The following DHX29 variants were observed in gnomAD, a reference collection of about 807,000 sequenced individuals.
The protein encoded by DHX29 is DExH-box helicase 29, also known as ATP-dependent RNA helicase DHX29.
A neutral mutation model predicts 167.9 loss-of-function variants in DHX29; 79 were observed. That is an observed-to-expected ratio of 0.47 (90% confidence interval 0.39 to 0.57). The LOEUF (loss-of-function observed/expected upper bound fraction) is 0.57, where lower values mean the gene tolerates loss of function less well. Ranked by LOEUF, DHX29 falls within the 20% of genes least tolerant of loss-of-function variation. The probability of loss-of-function intolerance (pLI) is 0.00; values close to 1 mark genes in which losing one functional copy is unlikely to be tolerated. For synonymous variants in DHX29, 530 were observed against 546.0 expected, an observed-to-expected ratio of 0.97 and a Z score of 0.41; for missense variants, 1,347 against 1,593.4, an observed-to-expected ratio of 0.85 and a Z score of 2.63.
At position 55,289,306 on chromosome 5, in the gene DHX29, A is replaced by C. The variant is rs774830119; in HGVS notation, c.1030T>G (p.Phe344Val). 20 of 1,579,624 alleles carry C rather than the reference A, an allele frequency of 1.3e-5. 1 individual carries two copies. The South Asian group carries it at 2.2e-4, about 17-fold the overall frequency. ...TCAGTAGCAGCTGCAGATTTTTCAA[A>C]TAAATTAAAATTCAATGCACTTTCT... is the stretch of plus-strand genomic sequence containing the variant. ...EGESALNFNL[F>V]EKSAAATEEE... is the part of the protein sequence containing the mutation. Residue 344 changes from phenylalanine (F) to valine (V), a missense_variant, in exon 8 of 27, where the codon TTT becomes GTT. By Grantham distance (50) the Phe-to-Val change is conservative (BLOSUM62 -1). Around this residue, in one of 3 missense-constraint regions of DHX29, gnomAD observed 405 missense variants for 416.8 expected, o/e 0.97. Transcript: ENST00000251636.
chr5:55,261,605 T>TAA (rs910429792), intron 24 of DHX29, 106 bp from the exon 25 acceptor site: 2 of 778,068 alleles, frequency 2.6e-6, no homozygotes, highest in African/African-American at 3.5e-5. Context: ...TTCTACATTT[T>TAA]AAGCTCAGAG....
At chr5:55,257,737 C>A (rs112395161) in intron 26 of DHX29, among the ~76,000 whole-genome samples, 2,976 of 152,274 alleles carry the variant, frequency 0.02, 55 homozygotes, top group Middle Eastern at 0.041. Flanking sequence ...TCCTTCCTCC[C>A]AAGTCAAACG....
intron 12 of DHX29, among the ~76,000 whole-genome samples, chr5:55,279,131 G>A (rs1268520734): frequency 2.0e-5 from 3 of 152,188 alleles, no homozygotes; most frequent in South Asian, 2.1e-4. Context: ...AGAAATAATC[G>A]TGGCCTCTCC....
At chr5:55,284,273 T>A (rs1747601367) in intron 10 of DHX29, among the ~76,000 whole-genome samples, 1 of 152,244 alleles carries the variant, frequency 6.6e-6, no homozygotes, top group African/African-American at 2.4e-5. Context: ...ATTCCTGCAG[T>A]GGCACTATAT....
At chr5:55,262,966 AAATT>A in intron 23 of DHX29, 34 bp from the exon 24 acceptor site, 2 of 1,484,416 alleles carry the variant, frequency 1.3e-6, no homozygotes, top group Non-Finnish European at 1.9e-6. Flanking sequence ...ACAAATAATC[AAATT>A]GATTAGAGGA....
chr5:55,292,433 T>C (rs13167364), intron 6 of DHX29, among the ~76,000 whole-genome samples: 9,107 of 152,170 alleles, frequency 0.06, 490 homozygotes, highest in African/African-American at 0.12. Flanking sequence ...ACCTTTATTA[T>C]CTCACACCTG....
intron 21 of DHX29, among the ~76,000 whole-genome samples, chr5:55,269,028 T>C (rs1199532421): frequency 6.6e-6 from 1 of 151,692 alleles, no homozygotes; most frequent in Non-Finnish European, 1.5e-5. Context: ...AAGTTAAATA[T>C]TATATTAAAA....
Position 55,297,359 on chromosome 5 carries a change from C to T in DHX29, c.301G>A (p.Val101Met), listed in dbSNP as rs775996051. 6.3e-7 allele frequency: 1 copy of T among 1,580,408 alleles called. No individual in the cohort carries two copies. The highest frequency in any genetic ancestry group is 1.3e-5 in the African/African-American group (1 of 74,330). Residue 101 changes from valine to methionine, a missense_variant, in exon 3 of 27, where the codon GTG (valine) becomes ATG (methionine). Val to Met is a conservative substitution (Grantham distance 21). Around this residue, in one of 3 missense-constraint regions of DHX29, gnomAD observed 405 missense variants for 416.8 expected, o/e 0.97. Coordinates refer to ENST00000251636, the MANE Select transcript of DHX29 (RefSeq NM_019030.4). ...TTTTGCTTTTTATGCTCATTGATCA[C>T]TCCAATAATTCTTTGCTCTAGTTTG... is the stretch of plus-strand genomic sequence containing the variant. Reference protein sequence around the residue: ...NNKLEQRIIGVINEHKKQNND... With the variant: ...NNKLEQRIIGMINEHKKQNND...
At chr5:55,285,662 A>C (rs1286214111) in intron 9 of DHX29, 34 bp downstream of exon 9, 1 of 1,527,348 alleles carries the variant, frequency 6.5e-7, no homozygotes, top group Non-Finnish European at 8.8e-7. Context: ...AAGTTCATTC[A>C]GTTAATTAAA....
intron 16 of DHX29, 99 bp downstream of exon 16, chr5:55,274,515 A>G (rs1046521812): frequency 2.0e-5 from 17 of 848,404 alleles, no homozygotes; most frequent in Non-Finnish European, 5.4e-6. Context: ...ATTTTAACCC[A>G]TGGTGAAAAG....
Position 55,283,394 on chromosome 5 carries a change from C to T in DHX29, c.1774G>A (p.Val592Ile), listed in dbSNP as rs766387701. Residue 592 changes from valine to isoleucine, a missense_variant, in exon 11 of 27, where the codon GTT (valine) becomes ATT (isoleucine). Physicochemically the swap from Val to Ile is conservative, Grantham distance 29. Coordinates refer to ENST00000251636, the MANE Select transcript of DHX29 (RefSeq NM_019030.4). ...VETLKRHRVV[V>I]VAGETGSGKS... ...CCACTCCCTGTTTCACCTGCCACAA[C>T]CACTACCCGATGCCTTTTAAGAGTT... The T allele has an allele frequency of 6.2e-7, 1 of 1,614,192 alleles. No homozygotes were observed. Among genetic ancestry groups the T allele is most frequent in the Admixed American group, 1.7e-5 (1 of 60,030 alleles).
rs1335645298 is a variant in DHX29, at chr5:55,262,642, T to C, written c.3816A>G (p.Leu1272=). 6.2e-7 allele frequency: 1 copy of C among 1,614,032 alleles called. No individual in the cohort carries two copies. Among genetic ancestry groups the C allele is most frequent in the African/African-American group, 1.3e-5 (1 of 75,050 alleles). ...ATGAGTACTTCACCTTCTCCTGGTA[T>C]AAGAGCCATCCATGAGTTTGCAAAT... is the stretch of plus-strand genomic sequence containing the variant. ...NRDLQTHGWL[L]YQEKIRYARV... The change falls in exon 24 of 27, where the codon TTA becomes TTG. Residue 1272 remains leucine (L), a synonymous_variant. Transcript: ENST00000251636.
chr5:55,262,958 A>T, intron 23 of DHX29, 26 bp from the exon 24 acceptor site: 1 of 1,517,380 alleles, frequency 6.6e-7, no homozygotes, highest in Non-Finnish European at 9.0e-7. Context: ...TTAAAAACAC[A>T]AATAATCAAA....
In DHX29 at chr5:55,274,655, C is replaced by T. The variant is rs1021052598; in HGVS notation, c.2649G>A (p.Leu883=). 12 of 1,604,380 alleles carry T rather than the reference C, an allele frequency of 7.5e-6. No homozygotes were observed. The highest frequency in any genetic ancestry group is 1.7e-5 in the Admixed American group (1 of 57,810). Residue 883 remains leucine (L), a synonymous_variant, in exon 16 of 27, where the codon TTG becomes TTA. Coordinates refer to ENST00000251636, the MANE Select transcript of DHX29 (RefSeq NM_019030.4). The part of the protein sequence containing the change: ...FLPGLAHIQQ[L]YDLLSNDRRF... ...TTCTATCATTTGATAGAAGATCATA[C>T]AACTGCTGAATATGAGCAAGTCCTG...
At chr5:55,257,982 C>T (rs1746131415) in intron 26 of DHX29, among the ~76,000 whole-genome samples, 1 of 152,180 alleles carries the variant, frequency 6.6e-6, no homozygotes, top group Non-Finnish European at 1.5e-5. Context: ...AAAATTAATA[C>T]ATTTTAATGC....
At chr5:55,272,710 G>A (rs1475352100) in intron 17 of DHX29, among the ~76,000 whole-genome samples, 1 of 152,118 alleles carries the variant, frequency 6.6e-6, no homozygotes, top group Non-Finnish European at 1.5e-5. Context: ...TCCAGCCTGG[G>A]CAACAAGGCT....
intron 16 of DHX29, among the ~76,000 whole-genome samples, chr5:55,274,086 CAAA>C (rs201970753): frequency 5.4e-5 from 4 of 73,756 alleles, no homozygotes; most frequent in Non-Finnish European, 3.1e-5. Flanking sequence ...GACTCTGCCT[CAAA>C]AAAAAAAAAA....
At chr5:55,280,292 G>C (rs1261817664) in intron 12 of DHX29, among the ~76,000 whole-genome samples, 1 of 152,140 alleles carries the variant, frequency 6.6e-6, no homozygotes, top group East Asian at 1.9e-4. Flanking sequence ...ACAACTTCCT[G>C]AAGTTGGTCT....
In DHX29 at chr5:55,291,319, A is replaced by G. The variant is rs180977361; in HGVS notation, c.781-975T>C. 4.5e-3 allele frequency among the ~76,000 whole-genome samples: 692 copies of G among 152,348 alleles called. 11 individuals are homozygous for G. Among genetic ancestry groups the G allele is most frequent in the Middle Eastern group, 0.01 (3 of 294 alleles). On this transcript the variant is annotated intron_variant, in intron 6 of 26. Transcript: ENST00000251636. ...AACACAACTGTTAAAAGAAGGAAAAAGAGACAATTAAGCAAGCATATCTAG... is the reference window on the plus strand; with the variant it reads ...AACACAACTGTTAAAAGAAGGAAAAGGAGACAATTAAGCAAGCATATCTAG...
Sources: gnomAD v4.1 joint callset for allele counts (sites outside exome capture counted in the v4.1 genomes callset) on GRCh38, gnomAD v4.1.1 for gene constraint, gnomAD v4.1.1 regional missense constraint, MANE v1.5 for transcripts, NCBI Gene and HGNC (gene_info 2026-07-23, HGNC 2026-07-21) for gene names.